The following RNF141 variants were observed in gnomAD, a reference collection of about 807,000 sequenced individuals.
RNF141 encodes C3HC4-like zinc finger protein.
RNF141 carries 18 observed loss-of-function variants against 27.4 expected under a neutral mutation model. The observed-to-expected ratio is 0.66, with a 90% CI of 0.45 to 0.97. The LOEUF is 0.97. RNF141 is among the 50% of genes least tolerant of loss of function. The pLI, the probability that RNF141 is intolerant of heterozygous loss-of-function variation, is 0.00. For missense variants in RNF141, 230 were observed against 279.4 expected, an observed-to-expected ratio of 0.82 and a Z score of 1.26; for synonymous variants, 97 against 96.6, an observed-to-expected ratio of 1.00 and a Z score of -0.02.
intron 1 of RNF141, among the ~76,000 whole-genome samples, chr11:10,539,060 CTAAA>C: frequency 6.6e-6 from 1 of 152,208 alleles, no homozygotes; most frequent in South Asian, 2.1e-4. Flanking sequence ...GAAGGATTTT[CTAAA>C]TAAAGAACTG....
intron 2 of RNF141, chr11:10,531,765 G>A (rs934577094): frequency 1.8e-5 from 4 of 217,880 alleles, no homozygotes; most frequent in African/African-American, 9.5e-5. Context: ...GAGCACCAGT[G>A]GGGATATCAC....
intron 4 of RNF141, among the ~76,000 whole-genome samples, chr11:10,520,281 A>C (rs748060732): frequency 2.6e-4 from 40 of 152,330 alleles, no homozygotes; most frequent in Non-Finnish European, 5.0e-4. Context: ...ACTTACCTTA[A>C]AACACACATT....
At chr11:10,528,142 TAGC>T (rs1427602662) in intron 3 of RNF141, among the ~76,000 whole-genome samples, 2 of 152,192 alleles carry the variant, frequency 1.3e-5, no homozygotes, top group Non-Finnish European at 2.9e-5. Flanking sequence ...AGGATAATCA[TAGC>T]AGATGGCAGA....
chr11:10,533,978 C>T, intron 2 of RNF141, 38 bp downstream of exon 2: 1 of 1,599,202 alleles, frequency 6.3e-7, no homozygotes, highest in Non-Finnish European at 8.5e-7. Flanking sequence ...ATACATACAA[C>T]AAGGGGAAAA....
At chr11:10,526,730 C>T (rs185799465) in intron 3 of RNF141, among the ~76,000 whole-genome samples, 14 of 150,256 alleles carry the variant, frequency 9.3e-5, no homozygotes, top group Non-Finnish European at 1.6e-4. Context: ...TGCAGTGAGC[C>T]GAGATGGCGC....
intron 3 of RNF141, 47 bp from the exon 4 acceptor site, chr11:10,525,420 A>G: frequency 2.1e-6 from 3 of 1,457,216 alleles, no homozygotes; most frequent in Non-Finnish European, 2.8e-6. Context: ...CATTTCTCTG[A>G]CCAATTTTTC....
At chr11:10,540,829 A>G (rs751787351) in intron 1 of RNF141, 4 of 152,250 alleles carry the variant, frequency 2.6e-5, no homozygotes, top group Admixed American at 2.6e-4. Flanking sequence ...CCGTTTTGGG[A>G]TAGAGAAGGA....
intron 3 of RNF141, among the ~76,000 whole-genome samples, chr11:10,529,589 G>A (rs1287379123): frequency 6.6e-6 from 1 of 152,220 alleles, no homozygotes; most frequent in African/African-American, 2.4e-5. Context: ...TGGTAGGCAA[G>A]AAGGAATTAC....
chr11:10,515,629 G>A (rs1849837349), intron 5 of RNF141: 1 of 152,110 alleles, frequency 6.6e-6, no homozygotes, highest in African/African-American at 2.4e-5. Context: ...ATGCTTATTC[G>A]TGATTATTTA....
intron 3 of RNF141, among the ~76,000 whole-genome samples, chr11:10,530,223 A>G (rs1849973414): frequency 6.6e-6 from 1 of 152,210 alleles, no homozygotes; most frequent in African/African-American, 2.4e-5. Context: ...ATTACTAAAA[A>G]ACAAAAAAAC....
intron 4 of RNF141, among the ~76,000 whole-genome samples, chr11:10,519,641 A>T (rs1483202904): frequency 7.7e-6 from 1 of 129,770 alleles, no homozygotes; most frequent in Non-Finnish European, 1.8e-5. Flanking sequence ...TCTAGGCTAC[A>T]AACATATATA....
intron 1 of RNF141, among the ~76,000 whole-genome samples, chr11:10,538,560 C>T (rs912746190): frequency 2.0e-5 from 3 of 152,182 alleles, no homozygotes; most frequent in African/African-American, 4.8e-5. Flanking sequence ...GTCACTTGGC[C>T]ATTTCCCTCT....
At position 10,512,404 on chromosome 11, in the gene RNF141, G is replaced by A. The variant is rs1408264601; in HGVS notation, c.*2512C>T. 6.5e-6 allele frequency: 1 copy of A among 152,732 alleles called. No individual in the cohort carries two copies. Among genetic ancestry groups the A allele is most frequent in the African/African-American group, 2.4e-5 (1 of 41,546 alleles). 9.5% of individuals were successfully genotyped at this position (152,732 alleles called of 1,614,324 possible). On this transcript the variant is annotated 3_prime_UTR_variant, in exon 6 of 6. Transcript: ENST00000265981. ...AACATTTTATATTCACAGTAGATCA[G>A]TAAGTGTCTTGGAGCTCATATTGTA...
In RNF141 at chr11:10,515,077, A is replaced by C; in HGVS notation, c.543-11T>G. 1 of 1,598,634 alleles carries C rather than the reference A, an allele frequency of 6.3e-7. No individual in the cohort carries two copies. Among genetic ancestry groups the C allele is most frequent in the Non-Finnish European group, 8.5e-7 (1 of 1,174,138 alleles). ...CTGTGTCGATCACTCCTATTAGAGA[A>C]GTCAAAACAAAACAGTTTGCTTTCT... On this transcript the variant is annotated splice_polypyrimidine_tract_variant and intron_variant, in intron 5 of 5. Coordinates refer to ENST00000265981, the MANE Select transcript of RNF141 (RefSeq NM_016422.4).
chr11:10,523,043 C>A (rs1245645996), intron 4 of RNF141, among the ~76,000 whole-genome samples: 1 of 152,202 alleles, frequency 6.6e-6, no homozygotes, highest in African/African-American at 2.4e-5. Context: ...TTAGAGCCAT[C>A]TGAGTATGAA....
At chr11:10,515,301 T>G in intron 5 of RNF141, 1 of 515,128 alleles carries the variant, frequency 1.9e-6, no homozygotes, top group Non-Finnish European at 3.4e-6. Flanking sequence ...AGCTTATGTG[T>G]ACACACATGC....
chr11:10,516,392 A>G (rs1344590335), intron 5 of RNF141: 1 of 152,252 alleles, frequency 6.6e-6, no homozygotes, highest in African/African-American at 2.4e-5. Context: ...GGTGAGACCT[A>G]TACTTGCCTC....
At chr11:10,516,784 T>A (rs1849846472) in intron 5 of RNF141, 1 of 152,214 alleles carries the variant, frequency 6.6e-6, no homozygotes, top group Non-Finnish European at 1.5e-5. Flanking sequence ...GGTCTTGCTA[T>A]TAGTGGGACA....
Position 10,539,697 on chromosome 11 carries a change from TATTA to T in RNF141, c.-48+1421_-48+1424del, listed in dbSNP as rs1448773292. On this transcript the variant is annotated intron_variant, in intron 1 of 5. Transcript: ENST00000265981. ...GATCAGAAAAAGATACATACATATA[TATTA>T]GAGAGAGAAGGAGAGAGAAACTACA... 4.8e-5 allele frequency among the ~76,000 whole-genome samples: 5 copies of T among 104,960 alleles called. 1 individual carries two copies. The highest frequency in any genetic ancestry group is 6.5e-4 in the South Asian group (2 of 3,088). The allele number at this position is 104,960 out of a possible 152,430, so 68.9% of individuals were successfully genotyped here. A position where few individuals can be genotyped will look rare whatever the true frequency, so the allele number is the denominator to read the frequency against.
Sources: allele counts gnomAD v4.1 joint callset (sites outside exome capture counted in the v4.1 genomes callset), GRCh38; gene constraint gnomAD v4.1.1; transcripts MANE v1.5; gene names NCBI Gene and HGNC (gene_info 2026-07-23, HGNC 2026-07-21).